NDST3: variants seen among roughly 807,000 people sequenced by gnomAD.
NDST3 encodes the protein bifunctional heparan sulfate N-deacetylase/N-sulfotransferase 3.
Under a neutral mutation model 96.1 loss-of-function variants are expected in NDST3, and 58 were observed. That is an observed-to-expected ratio of 0.60 (90% CI 0.49 to 0.75). The LOEUF is 0.75. Ranked by LOEUF, NDST3 falls within the 30% of genes least tolerant of loss-of-function variation. The pLI, the probability that NDST3 is intolerant of heterozygous loss-of-function variation, is 0.00. For missense variants in NDST3, 788 were observed against 1,034.2 expected (o/e 0.76, Z 3.27); for synonymous variants, 333 against 359.7 (o/e 0.93, Z 0.84).
chr4:118,142,663 G>A (rs1733653486), intron 5 of NDST3, among the ~76,000 whole-genome samples: 1 of 152,068 alleles, frequency 6.6e-6, no homozygotes, highest in South Asian at 2.1e-4. Context: ...GCTCTCTGAA[G>A]TATACTCATT....
At chr4:118,152,825 C>G (rs997233569) in intron 6 of NDST3, among the ~76,000 whole-genome samples, 11 of 152,176 alleles carry the variant, frequency 7.2e-5, no homozygotes, top group African/African-American at 2.7e-4. Context: ...TTCTCCATAT[C>G]AAGATTCAGC....
chr4:118,193,575 G>A, intron 6 of NDST3: 1 of 1,120,042 alleles, frequency 8.9e-7, no homozygotes, highest in Non-Finnish European at 1.4e-6. Context: ...CAGGCAAGCT[G>A]CCTGCAGATC....
intron 2 of NDST3, among the ~76,000 whole-genome samples, chr4:118,067,653 A>G (rs1726703716): frequency 6.6e-6 from 1 of 152,122 alleles, no homozygotes; most frequent in Non-Finnish European, 1.5e-5. Flanking sequence ...CAGTGGCAAG[A>G]GGCTGTTCAT....
intron 3 of NDST3, among the ~76,000 whole-genome samples, chr4:118,105,381 C>T (rs1017966664): frequency 3.3e-5 from 5 of 152,068 alleles, no homozygotes; most frequent in South Asian, 4.2e-4. Context: ...GAATTTTCAA[C>T]GTGTACACAG....
chr4:118,232,134 T>C (rs1740340595), intron 8 of NDST3, among the ~76,000 whole-genome samples: 1 of 152,170 alleles, frequency 6.6e-6, no homozygotes, highest in African/African-American at 2.4e-5. Context: ...TTAAATTCTG[T>C]CTTGAGTTTA....
chr4:118,157,546 C>G (rs953034015), intron 6 of NDST3, among the ~76,000 whole-genome samples: 2 of 151,894 alleles, frequency 1.3e-5, no homozygotes, highest in African/African-American at 4.8e-5. Context: ...CCTCAGCCTC[C>G]CGAGTAGTTA....
chr4:118,255,865 AAAAG>A lies in NDST3; in HGVS notation c.*157_*160del, dbSNP rs1253454781. 2.1e-5 allele frequency: 19 copies of A among 890,540 alleles called. No homozygotes were observed. Among genetic ancestry groups the A allele is most frequent in the Non-Finnish European group, 3.1e-5 (19 of 619,206 alleles). The allele number at this position is 890,540 out of a possible 1,614,324, so 55.2% of individuals were successfully genotyped here. ...GTGCTGGCACGTGGATGATTAGAAAAAAAGAAAAAGTATGTGTTACAAGCCTTGA... is the reference window on the plus strand; with the variant it reads ...GTGCTGGCACGTGGATGATTAGAAAAAAAAAGTATGTGTTACAAGCCTTGA... On this transcript the variant is annotated 3_prime_UTR_variant, in exon 14 of 14. Transcript: ENST00000296499.
intron 4 of NDST3, among the ~76,000 whole-genome samples, chr4:118,123,346 A>T (rs1731765808): frequency 6.6e-6 from 1 of 152,150 alleles, no homozygotes. Context: ...AGGGAGATTA[A>T]ATGTGTGTGC....
Position 118,075,214 on chromosome 4 carries a change from C to T in NDST3, c.981+20323C>T, listed in dbSNP as rs548137998. 3.9e-5 allele frequency among the ~76,000 whole-genome samples: 6 copies of T among 152,308 alleles called. No individual in the cohort carries two copies. In the South Asian group the frequency reaches 1.0e-3, roughly 26 times the overall value. ...ATGGTTTCCAGCTTCATCCACGTCA[C>T]TACAAAGGACATGAACTCATTATTT... On this transcript the variant is annotated intron_variant, in intron 2 of 13. Transcript: ENST00000296499.
chr4:118,116,406 A>C (rs1731115107), intron 4 of NDST3, among the ~76,000 whole-genome samples: 1 of 152,188 alleles, frequency 6.6e-6, no homozygotes, highest in South Asian at 2.1e-4. Flanking sequence ...GCTTTCCAAA[A>C]ATAATGTACC....
chr4:118,091,159 A>T (rs765371122), intron 2 of NDST3, among the ~76,000 whole-genome samples: 2 of 151,720 alleles, frequency 1.3e-5, no homozygotes, highest in Non-Finnish European at 2.9e-5. Context: ...GAGTGGGAGT[A>T]GCGTGAGGAT....
In NDST3 at chr4:118,138,034, T is replaced by A; in HGVS notation, c.1225-20T>A. On this transcript the variant is annotated intron_variant, in intron 4 of 13. Transcript: ENST00000296499. ...AAGATAAATCTTTACACGCTCCAAT[T>A]AACATTTGCTTGGTCTTAGGAGCAC... 6.4e-7 allele frequency: 1 copy of A among 1,563,570 alleles called. No homozygotes were observed. The highest frequency in any genetic ancestry group is 8.6e-7 in the Non-Finnish European group (1 of 1,156,792).
intron 6 of NDST3, among the ~76,000 whole-genome samples, chr4:118,166,380 G>A (rs1251244028): frequency 1.3e-5 from 2 of 151,860 alleles, no homozygotes; most frequent in African/African-American, 4.8e-5. Context: ...GAGCAGGCTT[G>A]TAACTAGTAA....
In NDST3 at chr4:118,232,287, T is replaced by G. The variant is rs369588473; in HGVS notation, c.1820-725T>G. Among the ~76,000 whole-genome samples, 4 of 152,228 alleles carry G rather than the reference T, an allele frequency of 2.6e-5. No individual in the cohort carries two copies. In the East Asian group the frequency reaches 7.7e-4, roughly 29 times the overall value. ...ATGTCTTCAAGTACATGTTCTTTCA[T>G]TCTCAGAGAAAATCTATGAAATAAG... On this transcript the variant is annotated intron_variant, in intron 8 of 13. Coordinates refer to ENST00000296499, the MANE Select transcript of NDST3 (RefSeq NM_004784.3).
chr4:118,132,726 G>C (rs1419392511), intron 4 of NDST3, among the ~76,000 whole-genome samples: 1 of 152,146 alleles, frequency 6.6e-6, no homozygotes, highest in East Asian at 1.9e-4. Context: ...ATACTCCCTG[G>C]CTATCACTGA....
chr4:118,034,661 TAAC>T (rs1339123659), intron 1 of NDST3, 69 bp downstream of exon 1: 3 of 152,216 alleles, frequency 2.0e-5, no homozygotes, highest in African/African-American at 7.2e-5. Flanking sequence ...TTTTAAGAGA[TAAC>T]AACTTTGCTT....
chr4:118,128,526 A>C (rs1363773265), intron 4 of NDST3, among the ~76,000 whole-genome samples: 1 of 151,986 alleles, frequency 6.6e-6, no homozygotes, highest in African/African-American at 2.4e-5. Flanking sequence ...TCACATCCCA[A>C]GGACAAGTCT....
chr4:118,256,460 C>A lies in NDST3; in HGVS notation c.*748C>A, dbSNP rs1426487257. 6.6e-6 allele frequency: 1 copy of A among 152,106 alleles called. No homozygotes were observed. Among genetic ancestry groups the A allele is most frequent in the Non-Finnish European group, 1.5e-5 (1 of 67,998 alleles). 9.4% of individuals were successfully genotyped at this position (152,106 alleles called of 1,614,324 possible). A position where few individuals can be genotyped will look rare whatever the true frequency, so the allele number is the denominator to read the frequency against. ...GGTAAATAGAAACACATCAAGTACA[C>A]CAAAACAGTAAATAACAATGTAAAG... On this transcript the variant is annotated 3_prime_UTR_variant, in exon 14 of 14. Coordinates refer to ENST00000296499, the MANE Select transcript of NDST3 (RefSeq NM_004784.3).
chr4:118,162,723 T>C (rs1272470961), intron 6 of NDST3, among the ~76,000 whole-genome samples: 1 of 146,152 alleles, frequency 6.8e-6, no homozygotes, highest in African/African-American at 2.5e-5. Flanking sequence ...CCAAAAGCAA[T>C]GGCAACAAAA....
Sources: gnomAD v4.1 joint callset for allele counts (sites outside exome capture counted in the v4.1 genomes callset) on GRCh38, gnomAD v4.1.1 for gene constraint, MANE v1.5 for transcripts, NCBI Gene and HGNC (gene_info 2026-07-23, HGNC 2026-07-21) for gene names.